ADSS2: variants seen among roughly 807,000 people sequenced by gnomAD.
The protein encoded by ADSS2 is adenylosuccinate synthetase isozyme 2.
Under a neutral mutation model 60.0 loss-of-function variants are expected in ADSS2, and 30 were observed. The observed-to-expected ratio is 0.50, with a 90% CI of 0.37 to 0.68. The LOEUF (loss-of-function observed/expected upper bound fraction) is 0.68, where lower values mean the gene tolerates loss of function less well. Among genes scored for constraint, ADSS2 ranks in the 30% least tolerant of loss-of-function variants. The pLI is 0.00. For missense variants in ADSS2, 373 were observed against 554.8 expected, an observed-to-expected ratio of 0.67 and a Z score of 3.29; for synonymous variants, 187 against 193.1, an observed-to-expected ratio of 0.97 and a Z score of 0.26.
At chr1:244,416,099 A>C in intron 10 of ADSS2, 21 bp from the exon 11 acceptor site, 2 of 1,559,766 alleles carry the variant, frequency 1.3e-6, no homozygotes, top group Middle Eastern at 1.7e-4. Flanking sequence ...AAGAAAAGGC[A>C]ATGTTAAAAG....
intron 3 of ADSS2, among the ~76,000 whole-genome samples, chr1:244,434,668 G>A (rs746612396): frequency 1.3e-5 from 2 of 152,074 alleles, no homozygotes; most frequent in Non-Finnish European, 2.9e-5. Context: ...AAGAAATTCA[G>A]TAAAGTAGAT....
chr1:244,411,752 T>G (rs1359010234), intron 11 of ADSS2, among the ~76,000 whole-genome samples: 1 of 152,162 alleles, frequency 6.6e-6, no homozygotes, highest in Non-Finnish European at 1.5e-5. Flanking sequence ...AACTTTCCAG[T>G]TTTAAAGCTT....
At chr1:244,410,949 G>C (rs1002658061) in intron 12 of ADSS2, among the ~76,000 whole-genome samples, 1 of 152,144 alleles carries the variant, frequency 6.6e-6, no homozygotes, top group African/African-American at 2.4e-5. Flanking sequence ...CAGTTGGCCG[G>C]GCATGCTGGC....
chr1:244,429,960 C>T (rs1232605358), intron 4 of ADSS2, among the ~76,000 whole-genome samples: 2 of 122,246 alleles, frequency 1.6e-5, no homozygotes, highest in Non-Finnish European at 3.4e-5. Context: ...GTGAACCTTA[C>T]AGGCTTTTAG....
chr1:244,420,766 G>A (rs1470181592), intron 7 of ADSS2, among the ~76,000 whole-genome samples: 1 of 152,014 alleles, frequency 6.6e-6, no homozygotes. Context: ...AAGTACAGTG[G>A]TGGGAACATG....
chr1:244,440,838 A>G (rs1019368139), intron 1 of ADSS2, among the ~76,000 whole-genome samples: 4 of 152,122 alleles, frequency 2.6e-5, no homozygotes, highest in African/African-American at 9.7e-5. Flanking sequence ...TAACAGTTGT[A>G]TTTTACCCTT....
chr1:244,432,660 C>CTTG, intron 3 of ADSS2, 65 bp from the exon 4 acceptor site: 1 of 384,948 alleles, frequency 2.6e-6, no homozygotes, highest in East Asian at 8.3e-5. Flanking sequence ...ATCTTAATTT[C>CTTG]TTTTTTTTTT....
Position 244,451,173 on chromosome 1 carries a change from A to T in ADSS2, c.183+462T>A, listed in dbSNP as rs1024667127. ...GGACGTTTCGAAACAATCCACTCCC[A>T]CTCCGCCGCCCTGGGCGGGGCGGGG... On this transcript the variant is annotated intron_variant, in intron 1 of 12. Coordinates refer to ENST00000366535, the MANE Select transcript of ADSS2 (RefSeq NM_001126.5). This position sits in a 1 kb window ranked among gnomAD's most constrained non-coding sequence, Gnocchi z 6.6. Among the ~76,000 whole-genome samples the T allele has an allele frequency of 4.6e-5, 7 of 151,484 alleles. No individual in the cohort carries two copies. The highest frequency in any genetic ancestry group is 9.7e-5 in the African/African-American group (4 of 41,170).
Position 244,436,721 on chromosome 1 carries a change from C to T in ADSS2, c.355+104G>A, listed in dbSNP as rs574779742. The T allele has an allele frequency of 3.3e-5, 34 of 1,016,716 alleles. No homozygotes were observed. The East Asian group carries it at 3.5e-4, about 10-fold the overall frequency. 63.0% of individuals were successfully genotyped at this position (1,016,716 alleles called of 1,614,324 possible). ...CATTAAAAATTCGTCTATAATAGCC[C>T]GAAATTTTAAAGCATAAGACAAACA... On this transcript the variant is annotated intron_variant, in intron 3 of 12. Coordinates refer to ENST00000366535, the MANE Select transcript of ADSS2 (RefSeq NM_001126.5).
At chr1:244,424,882 G>A (rs550561349) in intron 4 of ADSS2, 1 of 153,754 alleles carries the variant, frequency 6.5e-6, no homozygotes, top group East Asian at 1.9e-4. Flanking sequence ...ACACAAATAT[G>A]GCATTCACAC....
chr1:244,427,257 T>C (rs1054595300), intron 4 of ADSS2, among the ~76,000 whole-genome samples: 13 of 152,128 alleles, frequency 8.5e-5, no homozygotes, highest in South Asian at 4.1e-4. Flanking sequence ...TGTTTAAACC[T>C]TCTAAGTGAA....
At chr1:244,417,429 G>C (rs1303713639) in intron 10 of ADSS2, among the ~76,000 whole-genome samples, 199 bp downstream of exon 10, 1 of 152,032 alleles carries the variant, frequency 6.6e-6, no homozygotes, top group Non-Finnish European at 1.5e-5. Flanking sequence ...AACAACCTTG[G>C]ATGTCTAGGA....
chr1:244,440,491 A>C (rs998553291), intron 1 of ADSS2, among the ~76,000 whole-genome samples: 2 of 152,256 alleles, frequency 1.3e-5, no homozygotes, highest in African/African-American at 4.8e-5. Flanking sequence ...GGAAAGGCAC[A>C]GGCAGACGGA....
intron 4 of ADSS2, among the ~76,000 whole-genome samples, chr1:244,425,216 G>A (rs754837519): frequency 1.3e-5 from 2 of 152,164 alleles, no homozygotes; most frequent in Non-Finnish European, 2.9e-5. Context: ...GTTTATAGAA[G>A]AGGCAAAACT....
At chr1:244,437,034 G>A in intron 2 of ADSS2, 141 bp from the exon 3 acceptor site, 2 of 642,810 alleles carry the variant, frequency 3.1e-6, no homozygotes, top group Non-Finnish European at 2.7e-6. Context: ...ATACATAATG[G>A]AACATAATAT....
chr1:244,439,961 T>G (rs1489657103), intron 1 of ADSS2, among the ~76,000 whole-genome samples: 1 of 152,194 alleles, frequency 6.6e-6, no homozygotes, highest in East Asian at 1.9e-4. Context: ...AGTCCTATGA[T>G]CACTGCATTC....
At chr1:244,435,412 T>C (rs1665071689) in intron 3 of ADSS2, among the ~76,000 whole-genome samples, 1 of 152,100 alleles carries the variant, frequency 6.6e-6, no homozygotes, top group African/African-American at 2.4e-5. Flanking sequence ...CTCAAATATA[T>C]ACATGAAATT....
At chr1:244,423,843 C>A in intron 6 of ADSS2, 110 bp downstream of exon 6, 4 of 740,888 alleles carry the variant, frequency 5.4e-6, no homozygotes, top group South Asian at 2.3e-5. Context: ...CTAAAAAAGC[C>A]AACCACCACT....
chr1:244,421,761 T>G (rs1664680201), intron 7 of ADSS2, among the ~76,000 whole-genome samples: 1 of 152,082 alleles, frequency 6.6e-6, no homozygotes, highest in Non-Finnish European at 1.5e-5. Flanking sequence ...GGCAGACTGC[T>G]TTAGCTCAGG....
Sources: gnomAD v4.1 joint callset for allele counts (sites outside exome capture counted in the v4.1 genomes callset) on GRCh38, gnomAD v4.1.1 for gene constraint, Gnocchi (gnomAD v3.1) non-coding constraint, MANE v1.5 for transcripts, NCBI Gene and HGNC (gene_info 2026-07-23, HGNC 2026-07-21) for gene names.